Variants in RBFOX1 observed in about 807,000 individuals in gnomAD.
The protein encoded by RBFOX1 is RNA binding fox-1 homolog 1, also known as RNA binding protein fox-1 homolog 1.
In RBFOX1, 8 loss-of-function variants were observed where a neutral mutation model predicts 57.7. That is an observed-to-expected ratio of 0.14 (90% CI 0.08 to 0.25). RBFOX1 has a LOEUF of 0.25. Among genes scored for constraint, RBFOX1 ranks in the 10% least tolerant of loss-of-function variants. RBFOX1 has a pLI of 1.00. For missense variants in RBFOX1, 611 were observed against 548.5 expected (o/e 1.11, Z -1.14); for synonymous variants, 326 against 222.4 (o/e 1.47, Z -4.15).
chr16:5,520,741 T>C lies in RBFOX1; in HGVS notation c.258+53487T>C, dbSNP rs115538294. Among the ~76,000 whole-genome samples, 777 of 152,354 alleles carry C rather than the reference T, an allele frequency of 5.1e-3. 11 individuals are homozygous for C. Among genetic ancestry groups the C allele is most frequent in the African/African-American group, 0.018 (746 of 41,584 alleles). On this transcript the variant is annotated intron_variant, in intron 2 of 2. Coordinates refer to the RBFOX1 transcript ENST00000585867. ...AGGAGGAACATACTTCCCCTCTTTA[T>C]TGTCAGACTTAGGCTGTGTAATTTT...
chr16:7,193,565 A>G (rs1226586287), intron 4 of RBFOX1, among the ~76,000 whole-genome samples: 3 of 152,238 alleles, frequency 2.0e-5, no homozygotes, highest in African/African-American at 7.2e-5. Context: ...AGATGCTCTT[A>G]TGAGCATTTT....
intron 3 of RBFOX1, among the ~76,000 whole-genome samples, chr16:5,635,627 A>G (rs867014404): frequency 6.2e-5 from 9 of 145,320 alleles, no homozygotes; most frequent in African/African-American, 1.7e-4. Flanking sequence ...TGGCTTAGTC[A>G]TTGACATGCA....
intron 4 of RBFOX1, among the ~76,000 whole-genome samples, chr16:7,168,119 TG>T (rs1232887793): frequency 1.3e-5 from 2 of 152,184 alleles, no homozygotes; most frequent in Non-Finnish European, 2.9e-5. Flanking sequence ...GGAAGCAAAA[TG>T]GTTTTCCGTC....
chr16:6,491,773 C>G (rs958881397), intron 2 of RBFOX1, among the ~76,000 whole-genome samples: 1 of 152,178 alleles, frequency 6.6e-6, no homozygotes, highest in Non-Finnish European at 1.5e-5. Context: ...ACTAAAAGGG[C>G]TGCTAATCAA....
At chr16:6,052,007 C>A (rs2095557074) in intron 1 of RBFOX1, among the ~76,000 whole-genome samples, 1 of 152,168 alleles carries the variant, frequency 6.6e-6, no homozygotes. Context: ...TCTAGTCTTG[C>A]TCTCTCTAGT....
chr16:7,259,913 A>G (rs565678688), intron 4 of RBFOX1, among the ~76,000 whole-genome samples: 1 of 152,268 alleles, frequency 6.6e-6, no homozygotes, highest in South Asian at 2.1e-4. Flanking sequence ...TCTGGGATAA[A>G]TGAATGCCTG....
chr16:5,366,231 G>T, intron 1 of RBFOX1: 1 of 413,654 alleles, frequency 2.4e-6, no homozygotes, highest in Non-Finnish European at 4.7e-6. Flanking sequence ...CCCTGGAGGT[G>T]GTAGCATGGT....
intron 3 of RBFOX1, among the ~76,000 whole-genome samples, chr16:6,978,429 G>A (rs1292615821): frequency 6.6e-6 from 1 of 152,142 alleles, no homozygotes; most frequent in African/African-American, 2.4e-5. Context: ...ATATCTGGAA[G>A]AATAGTTATA....
chr16:7,558,814 C>A (rs937494972), intron 5 of RBFOX1, among the ~76,000 whole-genome samples: 4 of 152,308 alleles, frequency 2.6e-5, no homozygotes, highest in Non-Finnish European at 5.9e-5. Flanking sequence ...ATAAGCCTTT[C>A]TGAGAGCACT....
At chr16:7,532,319 C>T (rs1367239740) in intron 5 of RBFOX1, among the ~76,000 whole-genome samples, 5 of 152,038 alleles carry the variant, frequency 3.3e-5, no homozygotes, top group Non-Finnish European at 7.4e-5. Context: ...GGGGAAGAGA[C>T]AACAGTGGGT....
At chr16:5,494,210 G>A (rs1328542608) in intron 2 of RBFOX1, among the ~76,000 whole-genome samples, 1 of 152,182 alleles carries the variant, frequency 6.6e-6, no homozygotes, top group Non-Finnish European at 1.5e-5. Context: ...GTTCTATGAT[G>A]TCTCCTTGGC....
intron 1 of RBFOX1, among the ~76,000 whole-genome samples, chr16:6,223,441 C>G (rs1037626112): frequency 6.6e-6 from 1 of 151,802 alleles, no homozygotes; most frequent in Non-Finnish European, 1.5e-5. Flanking sequence ...TTGCATTTCT[C>G]TGATGGCCAG....
chr16:7,242,736 G>A (rs890927154), intron 4 of RBFOX1, among the ~76,000 whole-genome samples: 1 of 152,216 alleles, frequency 6.6e-6, no homozygotes, highest in Non-Finnish European at 1.5e-5. Context: ...GTGGCCACGT[G>A]CATGATGGGT....
chr16:7,587,694 A>G (rs1469448431), intron 7 of RBFOX1, among the ~76,000 whole-genome samples: 1 of 152,212 alleles, frequency 6.6e-6, no homozygotes, highest in East Asian at 1.9e-4. Context: ...CCTGGGTTGT[A>G]GGGGAGAAAA....
chr16:7,024,188 T>C (rs1568417795), intron 3 of RBFOX1, among the ~76,000 whole-genome samples: 1 of 152,192 alleles, frequency 6.6e-6, no homozygotes, highest in Non-Finnish European at 1.5e-5. Context: ...TAAATATTAA[T>C]GAAGCATTTA....
At chr16:5,517,709 A>G (rs761030624) in intron 2 of RBFOX1, among the ~76,000 whole-genome samples, 1 of 152,224 alleles carries the variant, frequency 6.6e-6, no homozygotes, top group Non-Finnish European at 1.5e-5. Flanking sequence ...TCAGAAGTAG[A>G]CCAAGAAGGA....
chr16:5,703,802 T>C (rs1023391367), intron 3 of RBFOX1, among the ~76,000 whole-genome samples: 3 of 152,216 alleles, frequency 2.0e-5, no homozygotes, highest in South Asian at 2.1e-4. Flanking sequence ...TATATATGTG[T>C]ACATATTTAA....
intron 2 of RBFOX1, among the ~76,000 whole-genome samples, chr16:6,628,388 C>G (rs937137083): frequency 5.9e-5 from 9 of 152,122 alleles, no homozygotes; most frequent in Non-Finnish European, 1.0e-4. Context: ...CATGGACATG[C>G]ATTTTGTTGT....
chr16:5,961,126 C>G (rs1014560788), intron 4 of RBFOX1, among the ~76,000 whole-genome samples: 3 of 152,148 alleles, frequency 2.0e-5, no homozygotes, highest in East Asian at 1.9e-4. Flanking sequence ...GCAGAAATAT[C>G]CATTCCCTTC....
Sources: allele counts gnomAD v4.1 joint callset (sites outside exome capture counted in the v4.1 genomes callset), GRCh38; gene constraint gnomAD v4.1.1; transcripts MANE v1.5; gene names NCBI Gene and HGNC (gene_info 2026-07-23, HGNC 2026-07-21).